The following SLC8A1 variants were observed in gnomAD, a reference collection of about 807,000 sequenced individuals.
SLC8A1 encodes the protein sodium/calcium exchanger 1.
Under a neutral mutation model 68.3 loss-of-function variants are expected in SLC8A1, and 18 were observed. The ratio of observed to expected loss-of-function variants is 0.26; its 90% CI spans 0.18 to 0.39. The LOEUF is 0.39. Among genes scored for constraint, SLC8A1 ranks in the 10% least tolerant of loss-of-function variants. The probability of loss-of-function intolerance (pLI) is 1.00; values close to 1 mark genes in which losing one functional copy is unlikely to be tolerated. For synonymous variants in SLC8A1, 475 were observed against 415.5 expected, an observed-to-expected ratio of 1.14 and a Z score of -1.74; for missense variants, 985 against 1,156.7, an observed-to-expected ratio of 0.85 and a Z score of 2.15.
Position 40,330,155 on chromosome 2 carries a change from G to T in SLC8A1, c.1808+98318C>A, listed in dbSNP as rs568005005. Among the ~76,000 whole-genome samples the T allele has an allele frequency of 3.2e-4, 48 of 152,244 alleles. 1 individual carries two copies. The East Asian group carries it at 3.3e-3, about 10-fold the overall frequency. ...TCCTACGCTATTTATTAGGACTAAT[G>T]GTTATTCCCAAGACCCGTTCTAACT... On this transcript the variant is annotated intron_variant, in intron 2 of 7. Coordinates refer to ENST00000406785, the Ensembl canonical transcript of SLC8A1.
At chr2:40,363,654 G>T (rs982454759) in intron 2 of SLC8A1, among the ~76,000 whole-genome samples, 2 of 152,090 alleles carry the variant, frequency 1.3e-5, no homozygotes, top group South Asian at 4.1e-4. Context: ...CTTAAAATAT[G>T]CATGCAAATA....
At chr2:40,120,893 G>C (rs2036621133) in intron 7 of SLC8A1, 1 of 152,190 alleles carries the variant, frequency 6.6e-6, no homozygotes, top group African/African-American at 2.4e-5. Flanking sequence ...AGATGACCAT[G>C]TTTCAAAGGC....
chr2:40,225,414 C>G (rs147485751), intron 2 of SLC8A1, among the ~76,000 whole-genome samples: 150 of 152,254 alleles, frequency 9.9e-4, no homozygotes, highest in African/African-American at 3.5e-3. Context: ...GTTCTTGTTA[C>G]CATATTAATG....
chr2:40,142,451 AT>A (rs547922123), intron 6 of SLC8A1, among the ~76,000 whole-genome samples: 3 of 152,270 alleles, frequency 2.0e-5, no homozygotes, highest in Non-Finnish European at 4.4e-5. Flanking sequence ...TAATTTCTAT[AT>A]TTGTGAACAT....
chr2:40,462,496 G>T (rs1170401581), intron 1 of SLC8A1, among the ~76,000 whole-genome samples: 1 of 150,468 alleles, frequency 6.6e-6, no homozygotes, highest in African/African-American at 2.5e-5. Flanking sequence ...TCTTTGAGAG[G>T]CAGTATCTCA....
chr2:40,164,572 C>T (rs1166914769), intron 5 of SLC8A1, among the ~76,000 whole-genome samples: 1 of 152,152 alleles, frequency 6.6e-6, no homozygotes, highest in Non-Finnish European at 1.5e-5. Context: ...TTCCTTGCTG[C>T]CCCTCAGATT....
intron 1 of SLC8A1, among the ~76,000 whole-genome samples, chr2:40,495,404 G>C (rs1170731470): frequency 6.6e-6 from 1 of 152,046 alleles, no homozygotes; most frequent in Non-Finnish European, 1.5e-5. Flanking sequence ...GAAAGCGAAG[G>C]ATCCGAGTTC....
chr2:40,490,479 T>A (rs79254032), intron 1 of SLC8A1, among the ~76,000 whole-genome samples: 4,255 of 152,254 alleles, frequency 0.028, 152 homozygotes, highest in Admixed American at 0.1. Flanking sequence ...TATATTAACT[T>A]AAGACTGATA....
intron 2 of SLC8A1, among the ~76,000 whole-genome samples, chr2:40,400,105 C>G (rs756821163): frequency 6.6e-6 from 1 of 152,182 alleles, no homozygotes; most frequent in Non-Finnish European, 1.5e-5. Context: ...CTCTCGCGTG[C>G]ACCCCCTTAG....
chr2:40,276,062 T>G (rs957975238), intron 2 of SLC8A1, among the ~76,000 whole-genome samples: 1 of 152,186 alleles, frequency 6.6e-6, no homozygotes, highest in African/African-American at 2.4e-5. Context: ...AAATGAAACA[T>G]GTGAAATCTA....
chr2:40,243,623 T>C (rs2061483601), intron 2 of SLC8A1, among the ~76,000 whole-genome samples: 1 of 152,240 alleles, frequency 6.6e-6, no homozygotes, highest in African/African-American at 2.4e-5. Context: ...CCTATGGCCC[T>C]GTAACCTGGC....
At chr2:40,485,515 G>T (rs1559763069) in intron 1 of SLC8A1, among the ~76,000 whole-genome samples, 1 of 152,066 alleles carries the variant, frequency 6.6e-6, no homozygotes, top group Non-Finnish European at 1.5e-5. Flanking sequence ...TAAACGTCTG[G>T]GGATGTTAAG....
intron 1 of SLC8A1, among the ~76,000 whole-genome samples, chr2:40,496,575 G>A (rs1477251775): frequency 6.6e-6 from 1 of 151,990 alleles, no homozygotes; most frequent in African/African-American, 2.4e-5. Context: ...ATCATTACAA[G>A]CAGGGTATTC....
chr2:40,327,760 A>G (rs1338068023), intron 2 of SLC8A1, among the ~76,000 whole-genome samples: 1 of 152,126 alleles, frequency 6.6e-6, no homozygotes, highest in East Asian at 1.9e-4. Context: ...CTCCAAAAGG[A>G]GGGAGGGAGA....
chr2:40,322,096 C>G (rs1025870802), intron 2 of SLC8A1, among the ~76,000 whole-genome samples: 4 of 151,928 alleles, frequency 2.6e-5, no homozygotes, highest in African/African-American at 9.7e-5. Context: ...TTTCTTTGAC[C>G]TTTTTTACCC....
At chr2:40,142,854 C>A (rs2041830370) in intron 6 of SLC8A1, among the ~76,000 whole-genome samples, 1 of 151,866 alleles carries the variant, frequency 6.6e-6, no homozygotes, top group African/African-American at 2.4e-5. Context: ...CATGCTAGGT[C>A]CTAAGGTTAC....
intron 2 of SLC8A1, among the ~76,000 whole-genome samples, chr2:40,403,464 T>A (rs1689365052): frequency 6.6e-6 from 1 of 152,184 alleles, no homozygotes; most frequent in African/African-American, 2.4e-5. Context: ...AATGTCTTTA[T>A]GCGTACCAAA....
intron 2 of SLC8A1, among the ~76,000 whole-genome samples, chr2:40,321,675 T>C (rs988856321): frequency 1.3e-4 from 20 of 152,022 alleles, no homozygotes; most frequent in Admixed American, 1.0e-3. Flanking sequence ...GAAAAGCCCC[T>C]TATAAAACCA....
In SLC8A1 at chr2:40,441,760, A is replaced by T. The variant is rs1301381584; in HGVS notation, c.-25+10144T>A. Among the ~76,000 whole-genome samples the T allele has an allele frequency of 5.9e-5, 9 of 152,086 alleles. No homozygotes were observed. In the East Asian group the frequency reaches 1.5e-3, roughly 26 times the overall value. On this transcript the variant is annotated intron_variant, in intron 1 of 7. Coordinates refer to ENST00000406785, the Ensembl canonical transcript of SLC8A1. Reference sequence around the variant, plus strand: ...CCCCTTCCCTACACCTTATACAAAAATTAACTCAAGATGGACTGAAGACTT... The same window carrying T: ...CCCCTTCCCTACACCTTATACAAAATTTAACTCAAGATGGACTGAAGACTT...
Sources: allele counts gnomAD v4.1 joint callset (sites outside exome capture counted in the v4.1 genomes callset), GRCh38; gene constraint gnomAD v4.1.1; transcripts MANE v1.5; gene names NCBI Gene and HGNC (gene_info 2026-07-23, HGNC 2026-07-21).